FAM110B: variants seen among roughly 807,000 people sequenced by gnomAD.
The protein encoded by FAM110B is protein FAM110B.
In FAM110B, 6 loss-of-function variants were observed where a neutral mutation model predicts 20.4. The ratio of observed to expected loss-of-function variants is 0.29; its 90% CI spans 0.16 to 0.58. The LOEUF is 0.58. Ranked by LOEUF, FAM110B falls within the 20% of genes least tolerant of loss-of-function variation. The probability of loss-of-function intolerance (pLI) is 0.90; values close to 1 mark genes in which losing one functional copy is unlikely to be tolerated. For missense variants in FAM110B, 434 were observed against 498.2 expected, an observed-to-expected ratio of 0.87 and a Z score of 1.23; for synonymous variants, 226 against 214.1, an observed-to-expected ratio of 1.06 and a Z score of -0.49.
At chr8:58,079,906 A>G (rs1806147289) in intron 3 of FAM110B, among the ~76,000 whole-genome samples, 1 of 152,222 alleles carries the variant, frequency 6.6e-6, no homozygotes, top group Non-Finnish European at 1.5e-5. Context: ...TTGTAAATGT[A>G]GTCACTGTTT....
intron 2 of FAM110B, among the ~76,000 whole-genome samples, chr8:58,066,345 AC>A (rs1383032706): frequency 6.6e-6 from 1 of 152,144 alleles, no homozygotes; most frequent in African/African-American, 2.4e-5. Flanking sequence ...ATGCGCAGGT[AC>A]TGGGGAGATG....
chr8:58,061,762 C>T (rs1805662448), intron 2 of FAM110B, among the ~76,000 whole-genome samples: 2 of 152,194 alleles, frequency 1.3e-5, no homozygotes, highest in Admixed American at 1.3e-4. Context: ...TCCCAGGTCA[C>T]TGATACTGTG....
At position 58,121,433 on chromosome 8, in the gene FAM110B, A is replaced by G. The variant is rs57788645; in HGVS notation, c.-324-24474A>G. Among the ~76,000 whole-genome samples the G allele has an allele frequency of 2.5e-3, 375 of 152,344 alleles. 2 individuals are homozygous for G. Among genetic ancestry groups the G allele is most frequent in the African/African-American group, 8.5e-3 (354 of 41,580 alleles). ...GCTTCATTTAGTAAGTTTTGAATCT[A>G]TGAAATTTACTCTGTACTGTACGGA... On this transcript the variant is annotated intron_variant, in intron 3 of 3. Coordinates refer to ENST00000519262, the MANE Select transcript of FAM110B (RefSeq NM_001377989.1).
intron 2 of FAM110B, among the ~76,000 whole-genome samples, chr8:58,047,614 C>CTCTCTCTCTCTCTCTCTCTCTCTA (rs1805354145): frequency 6.7e-6 from 1 of 150,062 alleles, no homozygotes; most frequent in Non-Finnish European, 1.5e-5. Flanking sequence ...CTCTCTCTCT[C>CTCTCTCTCTCTCTCTCTCTCTCTA]TCTCTCTCTC....
chr8:58,021,418 A>G (rs1804751059), intron 1 of FAM110B, among the ~76,000 whole-genome samples: 1 of 152,202 alleles, frequency 6.6e-6, no homozygotes, highest in Admixed American at 6.5e-5. Flanking sequence ...ACTCTTTTTC[A>G]GTTATGGAAC....
intron 3 of FAM110B, among the ~76,000 whole-genome samples, chr8:58,122,722 A>G (rs908575969): frequency 2.6e-5 from 4 of 151,884 alleles, no homozygotes; most frequent in Admixed American, 6.6e-5. Context: ...TTCTCTGCAA[A>G]TGTCCTTTGC....
intron 2 of FAM110B, among the ~76,000 whole-genome samples, chr8:58,047,598 CT>C (rs1805353427): frequency 3.0e-4 from 37 of 121,320 alleles, no homozygotes; most frequent in African/African-American, 1.6e-3. Flanking sequence ...TTTCCTCTCT[CT>C]CTCTCTCTCT....
intron 3 of FAM110B, among the ~76,000 whole-genome samples, chr8:58,122,577 T>G (rs1198439592): frequency 6.6e-6 from 1 of 152,200 alleles, no homozygotes; most frequent in Non-Finnish European, 1.5e-5. Flanking sequence ...TCTTTAAATT[T>G]TAAGTATATA....
At chr8:58,017,420 A>G (rs532600453) in intron 1 of FAM110B, among the ~76,000 whole-genome samples, 31 of 152,292 alleles carry the variant, frequency 2.0e-4, no homozygotes, top group African/African-American at 7.0e-4. Context: ...CATATTTTAT[A>G]TAAAGATTTC....
chr8:58,130,893 G>C (rs560676172), intron 3 of FAM110B, among the ~76,000 whole-genome samples: 11 of 152,140 alleles, frequency 7.2e-5, no homozygotes, highest in African/African-American at 2.4e-4. Flanking sequence ...ATTAGGTTTT[G>C]CCTCCATGAC....
rs568896797 is a variant in FAM110B at position 58,132,175 on chromosome 8, A to G, written c.-324-13732A>G. On this transcript the variant is annotated intron_variant, in intron 3 of 3. Coordinates refer to ENST00000519262, the MANE Select transcript of FAM110B (RefSeq NM_001377989.1). ...ATTGGATTCATTGGGCCTATTTTTT[A>G]TATTTTATGAATGCCTCTCCTCAAA... 1.8e-4 allele frequency among the ~76,000 whole-genome samples: 28 copies of G among 152,248 alleles called. No homozygotes were observed. In the Middle Eastern group the frequency reaches 0.014, roughly 74 times the overall value.
At chr8:58,049,594 T>C (rs1484147257) in intron 2 of FAM110B, among the ~76,000 whole-genome samples, 2 of 152,114 alleles carry the variant, frequency 1.3e-5, no homozygotes, top group Non-Finnish European at 2.9e-5. Flanking sequence ...ACTACACATA[T>C]ATAACTCCCT....
intron 3 of FAM110B, among the ~76,000 whole-genome samples, chr8:58,089,607 A>G (rs556205071): frequency 6.6e-6 from 1 of 152,338 alleles, no homozygotes; most frequent in South Asian, 2.1e-4. Flanking sequence ...TGGCAATTTG[A>G]AAAGACATCC....
intron 3 of FAM110B, among the ~76,000 whole-genome samples, chr8:58,125,977 G>T (rs1457172898): frequency 6.6e-6 from 1 of 152,142 alleles, no homozygotes; most frequent in Non-Finnish European, 1.5e-5. Flanking sequence ...TGTATGTATA[G>T]TTCATTTTAT....
At chr8:58,034,784 G>C (rs970939213) in intron 2 of FAM110B, among the ~76,000 whole-genome samples, 1 of 152,188 alleles carries the variant, frequency 6.6e-6, no homozygotes, top group African/African-American at 2.4e-5. Flanking sequence ...ATGAGGTGGT[G>C]TATATAAATA....
intron 3 of FAM110B, among the ~76,000 whole-genome samples, chr8:58,117,887 G>A (rs1807256098): frequency 6.6e-6 from 1 of 152,094 alleles, no homozygotes; most frequent in Admixed American, 6.5e-5. Flanking sequence ...TTAGTTCTCT[G>A]TTAAACTCTT....
chr8:58,072,946 A>G (rs191361730), intron 2 of FAM110B, among the ~76,000 whole-genome samples: 1 of 152,350 alleles, frequency 6.6e-6, no homozygotes, highest in Admixed American at 6.5e-5. Flanking sequence ...TTCCATGGCA[A>G]TATCTATAGG....
intron 1 of FAM110B, among the ~76,000 whole-genome samples, chr8:57,995,971 C>T (rs1403550919): frequency 6.6e-6 from 1 of 152,072 alleles, no homozygotes; most frequent in Non-Finnish European, 1.5e-5. Context: ...TTCTTCGTTT[C>T]CTTTGTTGGT....
intron 3 of FAM110B, among the ~76,000 whole-genome samples, chr8:58,088,491 G>T (rs950711426): frequency 2.6e-5 from 4 of 152,214 alleles, no homozygotes; most frequent in Non-Finnish European, 2.9e-5. Flanking sequence ...TCTTGGAAGA[G>T]ATTTGAGTAG....
Sources: allele counts gnomAD v4.1 joint callset (sites outside exome capture counted in the v4.1 genomes callset), GRCh38; gene constraint gnomAD v4.1.1; transcripts MANE v1.5; gene names NCBI Gene and HGNC (gene_info 2026-07-23, HGNC 2026-07-21).